The following FNBP1 variants were observed in gnomAD, a reference collection of about 807,000 sequenced individuals.
FNBP1 encodes formin binding protein 1.
In FNBP1, 26 loss-of-function variants were observed where a neutral mutation model predicts 90.6. The observed-to-expected ratio is 0.29, with a 90% CI of 0.21 to 0.40. The LOEUF is 0.40. FNBP1 is among the 10% of genes least tolerant of loss of function. FNBP1 has a pLI of 1.00. For synonymous variants in FNBP1, 260 were observed against 265.2 expected (o/e 0.98, Z 0.19); for missense variants, 635 against 768.0 (o/e 0.83, Z 2.05).
At position 129,960,340 on chromosome 9, in the gene FNBP1, C is replaced by T. The variant is rs144520594; in HGVS notation, c.346-1787G>A. On this transcript the variant is annotated intron_variant, in intron 4 of 16. Transcript: ENST00000446176. ...GTTGCACTGCACTGAGCCGAGATCG[C>T]GCTGCTGTACTCCAGCCTGGGTGAC... Among the ~76,000 whole-genome samples, 139 of 137,578 alleles carry T rather than the reference C, an allele frequency of 1.0e-3. 2 individuals are homozygous for T. The highest frequency in any genetic ancestry group is 3.7e-3 in the African/African-American group (134 of 36,422). The allele number at this position is 137,578 out of a possible 152,430, so 90.3% of individuals were successfully genotyped here.
Position 130,013,241 on chromosome 9 carries a change from A to T in FNBP1, c.25-18283T>A, listed in dbSNP as rs140007225. ...GCAATCCCCCTGCCTCGGCCTCCCA[A>T]AGTGCTGGGATTACAGGCATGAGCT... On this transcript the variant is annotated intron_variant, in intron 1 of 16. Coordinates refer to ENST00000446176, the MANE Select transcript of FNBP1 (RefSeq NM_015033.3). Among the ~76,000 whole-genome samples the T allele has an allele frequency of 2.2e-3, 333 of 152,256 alleles. 1 individual carries two copies. The highest frequency in any genetic ancestry group is 4.2e-3 in the Non-Finnish European group (287 of 68,018).
At chr9:129,990,266 A>C (rs2052919714) in intron 2 of FNBP1, among the ~76,000 whole-genome samples, 1 of 152,216 alleles carries the variant, frequency 6.6e-6, no homozygotes, top group Non-Finnish European at 1.5e-5. Flanking sequence ...ACTAAACAAG[A>C]AAACTATATA....
chr9:129,965,393 G>A (rs2048401297), intron 4 of FNBP1, among the ~76,000 whole-genome samples: 1 of 152,138 alleles, frequency 6.6e-6, no homozygotes, highest in Non-Finnish European at 1.5e-5. Context: ...CCGTAACACT[G>A]AGCAGCATGA....
chr9:129,941,161 G>C (rs1402169063), intron 6 of FNBP1, among the ~76,000 whole-genome samples: 3 of 151,980 alleles, frequency 2.0e-5, no homozygotes, highest in Non-Finnish European at 4.4e-5. Flanking sequence ...GGCTGAGGCG[G>C]GCAGATCACC....
At position 129,890,241 on chromosome 9, in the gene FNBP1, G is replaced by GGT; in HGVS notation, c.*296_*297dup. 12 of 507,308 alleles carry GGT rather than the reference G, an allele frequency of 2.4e-5. No homozygotes were observed. Among genetic ancestry groups the GGT allele is most frequent in the Admixed American group, 1.1e-4 (3 of 27,422 alleles). The allele number at this position is 507,308 out of a possible 1,614,324, so 31.4% of individuals were successfully genotyped here. ...TGGACTGAGGGCCCAGGAAGGAGCA[G>GGT]GTAGGGGCGTGTGTCCCACCGTCTC... On this transcript the variant is annotated 3_prime_UTR_variant, in exon 17 of 17. Transcript: ENST00000446176. This position sits in a 1 kb window ranked among gnomAD's most constrained non-coding sequence, Gnocchi z 5.8.
chr9:130,039,596 A>C (rs921950108), intron 1 of FNBP1, among the ~76,000 whole-genome samples: 1 of 151,780 alleles, frequency 6.6e-6, no homozygotes, highest in African/African-American at 2.4e-5. Context: ...GAATCACTAG[A>C]ACCTGGGAAG....
chr9:130,010,764 C>CTTTTTTTTTT (rs111591184), intron 1 of FNBP1, among the ~76,000 whole-genome samples: 1 of 140,574 alleles, frequency 7.1e-6, no homozygotes, highest in Non-Finnish European at 1.5e-5. Flanking sequence ...TTCTTTGGGT[C>CTTTTTTTTTT]TTTTTTTTTT....
At chr9:129,982,784 TCC>T (rs2051480229) in intron 2 of FNBP1, among the ~76,000 whole-genome samples, 1 of 152,126 alleles carries the variant, frequency 6.6e-6, no homozygotes, top group Admixed American at 6.5e-5. Flanking sequence ...CACCTTAGCC[TCC>T]CAAGTAGCTA....
At chr9:129,986,733 T>C (rs1198465662) in intron 2 of FNBP1, among the ~76,000 whole-genome samples, 3 of 151,900 alleles carry the variant, frequency 2.0e-5, no homozygotes, top group African/African-American at 7.3e-5. Context: ...GAGCTTGCAG[T>C]GAGCTGAGAT....
At chr9:130,012,341 T>C (rs769556420) in intron 1 of FNBP1, among the ~76,000 whole-genome samples, 8 of 152,152 alleles carry the variant, frequency 5.3e-5, no homozygotes, top group Admixed American at 1.3e-4. Flanking sequence ...GCTTAGCATA[T>C]GCCTGGCACA....
chr9:129,998,713 T>C (rs1002249067), intron 1 of FNBP1, among the ~76,000 whole-genome samples: 2 of 152,164 alleles, frequency 1.3e-5, no homozygotes, highest in Admixed American at 1.3e-4. Flanking sequence ...TGATGTATAC[T>C]ATACAAAGCA....
At position 129,890,188 on chromosome 9, in the gene FNBP1, G is replaced by A. The variant is rs1235245708; in HGVS notation, c.*351C>T. On this transcript the variant is annotated 3_prime_UTR_variant, in exon 17 of 17. Transcript: ENST00000446176. This position sits in a 1 kb window ranked among gnomAD's most constrained non-coding sequence, Gnocchi z 5.8. ...TTTCACAAAAGGCACTGTGTGAAGC[G>A]CGGAAGGGCTGCCAGGACGAGCCCG... 1.9e-5 allele frequency: 8 copies of A among 429,886 alleles called. No individual in the cohort carries two copies. The Admixed American group carries it at 2.1e-4, about 11-fold the overall frequency. The allele number at this position is 429,886 out of a possible 1,614,324, so 26.6% of individuals were successfully genotyped here.
At position 129,915,830 on chromosome 9, in the gene FNBP1, C is replaced by T. The variant is rs369514843; in HGVS notation, c.1185+136G>A. On this transcript the variant is annotated intron_variant, in intron 11 of 16. Coordinates refer to ENST00000446176, the MANE Select transcript of FNBP1 (RefSeq NM_015033.3). ...GTATCCAAGAAGTCTAATAAGGAAA[C>T]ACCAACAAAAGCACACGTAAGAGAA... The T allele has an allele frequency of 4.7e-6, 3 of 636,088 alleles. No homozygotes were observed. The South Asian group carries it at 5.8e-5, about 12-fold the overall frequency. 39.4% of individuals were successfully genotyped at this position (636,088 alleles called of 1,614,324 possible). A position where few individuals can be genotyped will look rare whatever the true frequency, so the allele number is the denominator to read the frequency against.
rs187964342 is a variant in FNBP1, at chr9:130,008,679, T to C, written c.25-13721A>G. On this transcript the variant is annotated intron_variant, in intron 1 of 16. Transcript: ENST00000446176. ...ATCTTCTGGTTCATTTCCTGATTTCTATGCAGAGATTGGACCACGAAAGCT... is the reference window on the plus strand; with the variant it reads ...ATCTTCTGGTTCATTTCCTGATTTCCATGCAGAGATTGGACCACGAAAGCT... Among the ~76,000 whole-genome samples the C allele has an allele frequency of 2.3e-3, 343 of 152,328 alleles. 2 individuals are homozygous for C. The highest frequency in any genetic ancestry group is 7.9e-3 in the African/African-American group (330 of 41,574).
Position 130,043,031 on chromosome 9 carries a change from C to G in FNBP1, c.-56G>C. The G allele has an allele frequency of 3.3e-6, 4 of 1,222,818 alleles. No individual in the cohort carries two copies. Among genetic ancestry groups the G allele is most frequent in the Non-Finnish European group, 4.1e-6 (4 of 981,740 alleles). The allele number at this position is 1,222,818 out of a possible 1,614,324, so 75.7% of individuals were successfully genotyped here. On this transcript the variant is annotated 5_prime_UTR_variant, in exon 1 of 17. Coordinates refer to ENST00000446176, the MANE Select transcript of FNBP1 (RefSeq NM_015033.3). ...CGGCGGGCGCGGCTCTCTGGTCCCC[C>G]TCCCCGGCGATCCCTTTGCCCCCCG...
At chr9:129,950,686 C>A (rs2046021552) in intron 6 of FNBP1, among the ~76,000 whole-genome samples, 1 of 152,208 alleles carries the variant, frequency 6.6e-6, no homozygotes, top group Non-Finnish European at 1.5e-5. Context: ...CGGGAGAACC[C>A]ACTTTAAGTC....
intron 4 of FNBP1, among the ~76,000 whole-genome samples, chr9:129,973,725 G>A (rs914637937): frequency 4.0e-5 from 6 of 149,646 alleles, no homozygotes; most frequent in Admixed American, 6.7e-5. Context: ...GGATGGTCTC[G>A]ATCTCCTGAC....
intron 10 of FNBP1, among the ~76,000 whole-genome samples, chr9:129,923,140 G>C (rs1404274228): frequency 6.6e-6 from 1 of 152,108 alleles, no homozygotes; most frequent in Non-Finnish European, 1.5e-5. Flanking sequence ...TAGGATTACA[G>C]ATGTGAACTA....
chr9:129,935,454 C>CT (rs2043283331), intron 6 of FNBP1, among the ~76,000 whole-genome samples: 1 of 148,814 alleles, frequency 6.7e-6, no homozygotes, highest in Non-Finnish European at 1.5e-5. Context: ...AACCTTGCAT[C>CT]TTACCACTCT....
Sources: gnomAD v4.1 joint callset for allele counts (sites outside exome capture counted in the v4.1 genomes callset) on GRCh38, gnomAD v4.1.1 for gene constraint, Gnocchi (gnomAD v3.1) non-coding constraint, MANE v1.5 for transcripts, NCBI Gene and HGNC (gene_info 2026-07-23, HGNC 2026-07-21) for gene names.